The following RNF214 variants were observed in gnomAD, a reference collection of about 807,000 sequenced individuals.
RNF214 encodes the protein ring finger protein 214.
RNF214 carries 25 observed loss-of-function variants against 75.9 expected under a neutral mutation model. That is an observed-to-expected ratio of 0.33 (90% CI 0.24 to 0.46). The LOEUF (loss-of-function observed/expected upper bound fraction) is 0.46. RNF214 is among the 20% of genes least tolerant of loss of function. RNF214 has a pLI of 1.00. For missense variants in RNF214, 725 were observed against 857.5 expected (o/e 0.85, Z 1.93); for synonymous variants, 314 against 308.8 (o/e 1.02, Z -0.18).
At chr11:117,242,354 G>GA (rs1197865116) in intron 4 of RNF214, among the ~76,000 whole-genome samples, 5 of 152,128 alleles carry the variant, frequency 3.3e-5, no homozygotes, top group South Asian at 2.1e-4. Flanking sequence ...AGGGCATACG[G>GA]AAAAAAGTTA....
intron 6 of RNF214, among the ~76,000 whole-genome samples, chr11:117,279,597 A>C (rs558685265): frequency 1.3e-5 from 2 of 152,296 alleles, no homozygotes; most frequent in African/African-American, 4.8e-5. Flanking sequence ...TTGGACTTCC[A>C]AAGTGCTGGG....
chr11:117,245,343 C>CTT lies in RNF214; in HGVS notation c.819+771_819+772dup, dbSNP rs550778591. On this transcript the variant is annotated intron_variant, in intron 5 of 14. Coordinates refer to ENST00000300650, the MANE Select transcript of RNF214 (RefSeq NM_207343.4). The stretch of plus-strand genomic sequence containing the variant: ...CAAAAAAAGTATTAATACTCATAGA[C>CTT]TTTTTTTTTTTTTTGAGACGGAGTC... 5.3e-3 allele frequency among the ~76,000 whole-genome samples: 738 copies of CTT among 139,698 alleles called. 7 individuals are homozygous for CTT. The highest frequency in any genetic ancestry group is 0.017 in the African/African-American group (656 of 38,232). 91.6% of individuals were successfully genotyped at this position (139,698 alleles called of 152,430 possible). A position where few individuals can be genotyped will look rare whatever the true frequency, so the allele number is the denominator to read the frequency against.
intron 11 of RNF214, 34 bp downstream of exon 11, chr11:117,282,304 T>C (rs1392156304): frequency 1.3e-6 from 2 of 1,580,048 alleles, no homozygotes; most frequent in African/African-American, 2.7e-5. Context: ...CAGATGTCTC[T>C]ATCAGAGAAA....
At chr11:117,268,669 A>G (rs1365554069) in intron 6 of RNF214, among the ~76,000 whole-genome samples, 2 of 152,180 alleles carry the variant, frequency 1.3e-5, no homozygotes, top group African/African-American at 2.4e-5. Flanking sequence ...TGAATATTCT[A>G]GAGACTTTTT....
At chr11:117,259,333 G>A (rs2033603259) in intron 6 of RNF214, among the ~76,000 whole-genome samples, 2 of 152,314 alleles carry the variant, frequency 1.3e-5, no homozygotes, top group South Asian at 4.1e-4. Context: ...TCATGTAGTA[G>A]TTTCCAGATT....
chr11:117,251,612 G>A (rs1348393565), intron 6 of RNF214, among the ~76,000 whole-genome samples: 2 of 152,048 alleles, frequency 1.3e-5, no homozygotes, highest in African/African-American at 2.4e-5. Context: ...TGAAATTTTC[G>A]AAGAAAAAGT....
At chr11:117,274,449 G>A (rs1016068006) in intron 6 of RNF214, among the ~76,000 whole-genome samples, 4 of 129,018 alleles carry the variant, frequency 3.1e-5, no homozygotes, top group Admixed American at 3.0e-4. Flanking sequence ...TGTAACCTCC[G>A]CCTCCTGGGT....
At chr11:117,261,575 A>G (rs1424275993) in intron 6 of RNF214, among the ~76,000 whole-genome samples, 4 of 152,096 alleles carry the variant, frequency 2.6e-5, no homozygotes, top group Non-Finnish European at 1.5e-5. Context: ...GCAAGACTCT[A>G]TCTCAAAAAA....
At chr11:117,241,279 G>GGCAGTGAGCTTCTTGCTTTAGGCCGGGC (rs1161811340) in intron 4 of RNF214, among the ~76,000 whole-genome samples, 3 of 151,380 alleles carry the variant, frequency 2.0e-5, no homozygotes, top group Non-Finnish European at 4.4e-5. Flanking sequence ...AGGCTGAGGT[G>GGCAGTGAGCTTCTTGCTTTAGGCCGGGC]GCAGTGAGCT....
intron 6 of RNF214, among the ~76,000 whole-genome samples, chr11:117,272,307 T>C (rs1388173261): frequency 2.0e-5 from 3 of 152,174 alleles, no homozygotes; most frequent in African/African-American, 7.2e-5. Flanking sequence ...TTTCCGTGTG[T>C]TAATATGGTT....
At chr11:117,271,807 G>A (rs956287983) in intron 6 of RNF214, among the ~76,000 whole-genome samples, 2 of 152,124 alleles carry the variant, frequency 1.3e-5, no homozygotes, top group Non-Finnish European at 1.5e-5. Flanking sequence ...CAAAGTTTGA[G>A]GTGTTTTTTT....
At chr11:117,257,334 T>G (rs1489791568) in intron 6 of RNF214, among the ~76,000 whole-genome samples, 1 of 152,080 alleles carries the variant, frequency 6.6e-6, no homozygotes, top group Non-Finnish European at 1.5e-5. Context: ...AGATCCTGTC[T>G]CAAAAAAATC....
chr11:117,241,578 CAAAAA>C (rs201566240), intron 4 of RNF214, among the ~76,000 whole-genome samples: 1 of 102,902 alleles, frequency 9.7e-6, no homozygotes, highest in African/African-American at 3.8e-5. Flanking sequence ...GAATCTGTCT[CAAAAA>C]AAAAAAAAAA....
rs901213844 is a variant in RNF214, at chr11:117,240,132, C to T, written c.678+272C>T. Among the ~76,000 whole-genome samples the T allele has an allele frequency of 3.3e-5, 5 of 151,890 alleles. No individual in the cohort carries two copies. The East Asian group carries it at 9.7e-4, about 29-fold the overall frequency. ...TTTTGGGAAGCCGAAGTGGGTGGAT[C>T]GCTTGAGCCCTGGAGTTTGAGACCA... On this transcript the variant is annotated intron_variant, in intron 4 of 14. Transcript: ENST00000300650.
intron 4 of RNF214, among the ~76,000 whole-genome samples, chr11:117,240,921 G>A (rs907403249): frequency 7.9e-5 from 12 of 152,208 alleles, no homozygotes; most frequent in Admixed American, 4.6e-4. Context: ...GCTCACGTCT[G>A]TAATCCTAGC....
chr11:117,244,607 T>G (rs1372319988), intron 5 of RNF214, 22 bp downstream of exon 5: 37 of 1,573,186 alleles, frequency 2.4e-5, no homozygotes, highest in Non-Finnish European at 3.0e-5. Flanking sequence ...ATATTGAAAT[T>G]GTCAATGAGT....
chr11:117,239,253 T>C lies in RNF214; in HGVS notation c.618+142T>C, dbSNP rs1193490083. ...TTTGCTAGCAACCATCATACTACTC[T>C]CATACAGTGCCATACAATGACTTCA... On this transcript the variant is annotated intron_variant, in intron 3 of 14. Transcript: ENST00000300650. The C allele has an allele frequency of 4.1e-6, 3 of 740,570 alleles. No individual in the cohort carries two copies. The South Asian group carries it at 5.4e-5, about 13-fold the overall frequency. 45.9% of individuals were successfully genotyped at this position (740,570 alleles called of 1,614,324 possible). A position where few individuals can be genotyped will look rare whatever the true frequency, so the allele number is the denominator to read the frequency against.
chr11:117,278,318 CAT>C (rs1200181640), intron 6 of RNF214, among the ~76,000 whole-genome samples: 1 of 152,074 alleles, frequency 6.6e-6, no homozygotes, highest in African/African-American at 2.4e-5. Flanking sequence ...CAAAACAAAA[CAT>C]GTAACTCTTC....
chr11:117,251,147 G>A (rs2033370649), intron 6 of RNF214, among the ~76,000 whole-genome samples: 1 of 150,748 alleles, frequency 6.6e-6, no homozygotes, highest in Non-Finnish European at 1.5e-5. Context: ...CCCAGACGGG[G>A]TGGTGGCCTG....
Sources: allele counts gnomAD v4.1 joint callset (sites outside exome capture counted in the v4.1 genomes callset), GRCh38; gene constraint gnomAD v4.1.1; transcripts MANE v1.5; gene names NCBI Gene and HGNC (gene_info 2026-07-23, HGNC 2026-07-21).